Variants in STK3 observed in about 807,000 individuals in gnomAD.
STK3 encodes serine/threonine kinase 3, also known as serine/threonine-protein kinase 3.
Under a neutral mutation model 58.0 loss-of-function variants are expected in STK3, and 41 were observed. That is an observed-to-expected ratio of 0.71 (90% CI 0.55 to 0.92). The LOEUF (loss-of-function observed/expected upper bound fraction) is 0.92, where lower values mean the gene tolerates loss of function less well. Among genes scored for constraint, STK3 ranks in the 40% least tolerant of loss-of-function variants. The probability of loss-of-function intolerance (pLI) is 0.00; values close to 1 mark genes in which losing one functional copy is unlikely to be tolerated. For synonymous variants in STK3, 170 were observed against 191.0 expected (o/e 0.89, Z 0.91); for missense variants, 479 against 602.7 (o/e 0.79, Z 2.15).
chr8:98,581,914 G>A (rs540970975), intron 7 of STK3, among the ~76,000 whole-genome samples: 1 of 152,034 alleles, frequency 6.6e-6, no homozygotes, highest in African/African-American at 2.4e-5. Flanking sequence ...AGAAAAATAT[G>A]GTTACTCAAT....
At chr8:98,435,937 G>A (rs559077504) in intron 2 of STK3, among the ~76,000 whole-genome samples, 2 of 152,202 alleles carry the variant, frequency 1.3e-5, no homozygotes, top group South Asian at 4.2e-4. Flanking sequence ...ATCCTGAGGG[G>A]GTGATCTCTA....
chr8:98,418,951 A>G (rs927299327), intron 3 of STK3, among the ~76,000 whole-genome samples: 1 of 151,990 alleles, frequency 6.6e-6, no homozygotes, highest in African/African-American at 2.4e-5. Context: ...ACCTCCCACC[A>G]CCCTTGGTGC....
chr8:98,923,590 A>T (rs1414475311), intron 1 of STK3, among the ~76,000 whole-genome samples: 1 of 152,226 alleles, frequency 6.6e-6, no homozygotes, highest in Non-Finnish European at 1.5e-5. Context: ...CCCCACGGGC[A>T]TGTCCTTAAG....
chr8:98,856,320 CAA>C (rs71572026), intron 3 of STK3, among the ~76,000 whole-genome samples: 10 of 101,614 alleles, frequency 9.8e-5, no homozygotes, highest in Non-Finnish European at 1.0e-4. Flanking sequence ...GACTCCATCT[CAA>C]AAAAAAAAAA....
chr8:98,488,590 AT>A (rs1474400559), intron 10 of STK3, among the ~76,000 whole-genome samples: 4 of 152,188 alleles, frequency 2.6e-5, no homozygotes, highest in African/African-American at 9.7e-5. Flanking sequence ...ACTGCAACTA[AT>A]TTCCCGTATT....
chr8:98,493,347 A>T (rs927345349), intron 10 of STK3, among the ~76,000 whole-genome samples: 2 of 152,126 alleles, frequency 1.3e-5, no homozygotes, highest in African/African-American at 4.8e-5. Context: ...TCTTTTCACA[A>T]GCAACTTCTA....
intron 1 of STK3, among the ~76,000 whole-genome samples, chr8:98,910,681 G>T (rs1839093915): frequency 6.6e-6 from 1 of 152,186 alleles, no homozygotes; most frequent in Admixed American, 6.5e-5. Context: ...ATTAGTCCCT[G>T]TGCATTACTG....
At chr8:98,503,002 G>A (rs1220154600) in intron 10 of STK3, among the ~76,000 whole-genome samples, 6 of 152,204 alleles carry the variant, frequency 3.9e-5, no homozygotes, top group African/African-American at 1.4e-4. Context: ...TTGTACCTCT[G>A]GTAGAATTAG....
intron 4 of STK3, among the ~76,000 whole-genome samples, chr8:98,744,682 T>C (rs1057283288): frequency 2.6e-5 from 4 of 151,782 alleles, no homozygotes; most frequent in African/African-American, 4.8e-5. Context: ...TGTATACATA[T>C]GTAACTAACC....
chr8:98,348,056 C>T, the STK3 span, among the ~76,000 whole-genome samples: 11 of 152,032 alleles, frequency 7.2e-5, no homozygotes, highest in South Asian at 2.1e-4. Flanking sequence ...GTGAGAGAAT[C>T]GACAAATAGA....
At chr8:98,840,565 C>T (rs1436365634) in intron 3 of STK3, among the ~76,000 whole-genome samples, 1 of 121,054 alleles carries the variant, frequency 8.3e-6, no homozygotes, top group Non-Finnish European at 1.7e-5. Context: ...GAGTGACAAC[C>T]TGTCTCAAGA....
intron 3 of STK3, among the ~76,000 whole-genome samples, chr8:98,765,977 T>G (rs574769947): frequency 1.3e-5 from 2 of 152,328 alleles, no homozygotes; most frequent in South Asian, 4.1e-4. Context: ...ATACTTTCCA[T>G]TCCAATAATT....
intron 6 of STK3, chr8:98,597,745 C>A: frequency 1.0e-6 from 1 of 985,168 alleles, no homozygotes; most frequent in African/African-American, 1.7e-5. Context: ...AAATATCAGA[C>A]CTTATAAACC....
chr8:98,905,100 T>G, intron 1 of STK3: 1 of 1,426,464 alleles, frequency 7.0e-7, no homozygotes, highest in Non-Finnish European at 9.9e-7. Context: ...ATTACACTGC[T>G]CAGTAAAGTC....
chr8:98,797,128 T>C (rs191257458), intron 1 of STK3, among the ~76,000 whole-genome samples: 2 of 152,340 alleles, frequency 1.3e-5, no homozygotes, highest in Admixed American at 6.5e-5. Context: ...TTCATCTACA[T>C]TGAAACTCTG....
intron 10 of STK3, among the ~76,000 whole-genome samples, chr8:98,462,332 C>T (rs1052365721): frequency 1.3e-5 from 2 of 152,066 alleles, no homozygotes; most frequent in Non-Finnish European, 2.9e-5. Flanking sequence ...TACATATACA[C>T]AATGGAGTAC....
chr8:98,904,236 A>G (rs1330021260), intron 1 of STK3, among the ~76,000 whole-genome samples: 3 of 152,210 alleles, frequency 2.0e-5, no homozygotes, highest in African/African-American at 7.2e-5. Flanking sequence ...GTCATTTGAA[A>G]GAGAAAGGAG....
At chr8:98,715,437 A>G (rs1216060076) in intron 4 of STK3, among the ~76,000 whole-genome samples, 17 of 149,834 alleles carry the variant, frequency 1.1e-4, no homozygotes, top group Non-Finnish European at 2.5e-4. Flanking sequence ...AATTTACAAG[A>G]AAAAAAAAAC....
chr8:98,368,301 T>C (rs755317313), downstream of STK3, among the ~76,000 whole-genome samples: 5 of 152,196 alleles, frequency 3.3e-5, no homozygotes, highest in Non-Finnish European at 7.3e-5. Flanking sequence ...ACTGACTTAC[T>C]TGGAAAGGGC....
Sources: allele counts gnomAD v4.1 joint callset (sites outside exome capture counted in the v4.1 genomes callset), GRCh38; gene constraint gnomAD v4.1.1; transcripts MANE v1.5; gene names NCBI Gene and HGNC (gene_info 2026-07-23, HGNC 2026-07-21).